URGCP: variants seen among roughly 807,000 people sequenced by gnomAD.
URGCP encodes the protein upregulator of cell proliferation.
In URGCP, 13 loss-of-function variants were observed where a neutral mutation model predicts 24.6. The ratio of observed to expected loss-of-function variants is 0.53; its 90% CI spans 0.34 to 0.84. URGCP has a LOEUF of 0.84. URGCP is among the 40% of genes least tolerant of loss of function. The pLI is 0.01. For missense variants in URGCP, 899 were observed against 1,194.3 expected (o/e 0.75, Z 3.64); for synonymous variants, 444 against 487.2 (o/e 0.91, Z 1.17).
At chr7:43,896,828 T>C (rs2095879261) in intron 1 of URGCP, among the ~76,000 whole-genome samples, 2 of 152,084 alleles carry the variant, frequency 1.3e-5, no homozygotes, top group Admixed American at 6.5e-5. Context: ...CTTACATACA[T>C]CTTAAGCAAA....
At chr7:43,882,748 A>G (rs2095855892) in intron 3 of URGCP, among the ~76,000 whole-genome samples, 1 of 152,268 alleles carries the variant, frequency 6.6e-6, no homozygotes, top group Admixed American at 6.5e-5. Flanking sequence ...AGGTAGTAAT[A>G]GCTACACACA....
intron 1 of URGCP, among the ~76,000 whole-genome samples, chr7:43,923,834 T>C (rs796378977): frequency 6.6e-6 from 1 of 152,192 alleles, no homozygotes; most frequent in East Asian, 1.9e-4. Context: ...TAAACTTTCA[T>C]GTAGTCAAAT....
chr7:43,904,239 G>C (rs191814244), intron 1 of URGCP, among the ~76,000 whole-genome samples: 1 of 152,270 alleles, frequency 6.6e-6, no homozygotes, highest in Admixed American at 6.5e-5. Flanking sequence ...TGGGCCATGG[G>C]GCATTTCTCA....
At chr7:43,894,375 C>G (rs1316886662) in intron 1 of URGCP, among the ~76,000 whole-genome samples, 1 of 152,108 alleles carries the variant, frequency 6.6e-6, no homozygotes, top group Non-Finnish European at 1.5e-5. Context: ...TTTTGAGACA[C>G]TCTCGTTCTG....
At position 43,877,649 on chromosome 7, in the gene URGCP, G is replaced by T; in HGVS notation, c.1814C>A (p.Pro605Gln). 1 of 1,614,098 alleles carries T rather than the reference G, an allele frequency of 6.2e-7. No individual in the cohort carries two copies. ...KHGGTTDVGE[P>Q]LWPEPLGVEH... Reference sequence around the variant, plus strand: ...CACCCCTAGGGGCTCAGGCCAGAGCGGCTCCCCCACGTCTGTGGTGCCCCC... The same window carrying T: ...CACCCCTAGGGGCTCAGGCCAGAGCTGCTCCCCCACGTCTGTGGTGCCCCC... Residue 605 changes from proline (P) to glutamine (Q), a missense_variant, in exon 6 of 6, where the codon CCG becomes CAG. Pro to Gln is a moderately conservative substitution (Grantham distance 76). Coordinates refer to ENST00000453200, the MANE Select transcript of URGCP (RefSeq NM_001077663.3).
chr7:43,907,533 A>T (rs2095905448), upstream of URGCP, among the ~76,000 whole-genome samples: 1 of 151,330 alleles, frequency 6.6e-6, no homozygotes, highest in African/African-American at 2.4e-5. Context: ...ATTAACAACC[A>T]CTATTTAAAA....
At chr7:43,907,866 C>T (rs550397639), upstream of URGCP, among the ~76,000 whole-genome samples, 22 of 152,116 alleles carry the variant, frequency 1.4e-4, no homozygotes, top group Non-Finnish European at 2.8e-4. Context: ...TTGTCCTCTT[C>T]GGTAAAGAAA....
At chr7:43,896,436 C>G (rs1241972352) in intron 1 of URGCP, among the ~76,000 whole-genome samples, 1 of 128,816 alleles carries the variant, frequency 7.8e-6, no homozygotes, top group Admixed American at 9.1e-5. Context: ...GCCTGGGCGA[C>G]AGAGAGAGAC....
chr7:43,878,907 G>A lies in URGCP; in HGVS notation c.556C>T (p.Leu186Phe). ...GAGGAGAGCAGCAGGGCACAGAGAAGGTCTAAGGGGTTCACTGGCGTATCA... is the reference window on the plus strand; with the variant it reads ...GAGGAGAGCAGCAGGGCACAGAGAAAGTCTAAGGGGTTCACTGGCGTATCA... Reference protein sequence around the residue: ...TPDTPVNPLDLLCALLLSSDS... With the variant: ...TPDTPVNPLDFLCALLLSSDS... The change falls in exon 6 of 6, where the codon CTT becomes TTT. Residue 186 changes from leucine to phenylalanine, a missense_variant. Transcript: ENST00000453200. This position sits in a 1 kb window ranked among gnomAD's most constrained non-coding sequence, Gnocchi z 5.6. 1 of 1,614,220 alleles carries A rather than the reference G, an allele frequency of 6.2e-7. No homozygotes were observed. The highest frequency in any genetic ancestry group is 8.5e-7 in the Non-Finnish European group (1 of 1,180,028).
At position 43,879,228 on chromosome 7, in the gene URGCP, G is replaced by C; in HGVS notation, c.235C>G (p.Leu79Val). The stretch of plus-strand genomic sequence containing the variant: ...ACCTGGTACGTCTCTAGGCCCAAAA[G>C]TGACAGCATTTCTTGAAGCCTGCTT... ...ERSRLQEMLS[L>V]LGLETYQVQK... is the part of the protein sequence containing the mutation. The change falls in exon 6 of 6, where the codon CTT becomes GTT. Residue 79 changes from leucine to valine, a missense_variant. By Grantham distance (32) the Leu-to-Val change is conservative. Transcript: ENST00000453200. 1 of 1,611,922 alleles carries C rather than the reference G, an allele frequency of 6.2e-7. No individual in the cohort carries two copies. The highest frequency in any genetic ancestry group is 8.5e-7 in the Non-Finnish European group (1 of 1,179,546).
Position 43,877,552 on chromosome 7 carries a change from C to T in URGCP, c.1911G>A (p.Pro637=), listed in dbSNP as rs778937379. 1.5e-5 allele frequency: 25 copies of T among 1,613,806 alleles called. No individual in the cohort carries two copies. The highest frequency in any genetic ancestry group is 4.5e-5 in the East Asian group (2 of 44,890). Residue 637 remains proline, a synonymous_variant, in exon 6 of 6, where the codon CCG becomes CCA. Transcript: ENST00000453200. The part of the protein sequence containing the change: ...ESCLVEAGRL[P]AGQRRFAHFP... ...AGTGGGCAAAACGCCTCTGGCCTGCCGGCAGCCTCCCTGCCTCCACAAGAC... is the reference window on the plus strand; with the variant it reads ...AGTGGGCAAAACGCCTCTGGCCTGCTGGCAGCCTCCCTGCCTCCACAAGAC...
intron 4 of URGCP, 68 bp downstream of exon 4, chr7:43,881,839 G>C (rs1214880103): frequency 1.2e-6 from 2 of 1,605,054 alleles, no homozygotes; most frequent in Non-Finnish European, 1.7e-6. Flanking sequence ...TAAAATCCCG[G>C]TTATCTGTCA....
chr7:43,890,633 C>T (rs746578950), intron 1 of URGCP, among the ~76,000 whole-genome samples: 4 of 152,236 alleles, frequency 2.6e-5, no homozygotes, highest in African/African-American at 7.2e-5. Flanking sequence ...GCCTAGGGGC[C>T]ACCTGCAGCA....
rs373914191 is a variant in URGCP at position 43,920,549 on chromosome 7, C to T, written c.-116+5583G>A. Reference sequence around the variant, plus strand: ...TTGCACAACGGCCTGGGCAACAGAGCGAGACTCTGTCTCAAAAACAACAAA... The same window carrying T: ...TTGCACAACGGCCTGGGCAACAGAGTGAGACTCTGTCTCAAAAACAACAAA... On this transcript the variant is annotated intron_variant, in intron 1 of 5. Coordinates refer to the URGCP transcript ENST00000426198. Among the ~76,000 whole-genome samples the T allele has an allele frequency of 8.7e-4, 132 of 152,234 alleles. 1 individual carries two copies. In the South Asian group the frequency reaches 0.024, roughly 28 times the overall value.
At chr7:43,925,202 T>G (rs2095927659) in intron 1 of URGCP, among the ~76,000 whole-genome samples, 1 of 152,092 alleles carries the variant, frequency 6.6e-6, no homozygotes, top group African/African-American at 2.4e-5. Flanking sequence ...GAGGACAGAT[T>G]GGGGGAATGG....
intron 1 of URGCP, among the ~76,000 whole-genome samples, chr7:43,920,405 C>CA (rs1003090092): frequency 5.9e-5 from 9 of 151,776 alleles, no homozygotes; most frequent in Middle Eastern, 3.4e-3. Flanking sequence ...TCTAAAAATA[C>CA]AAAAAAAATT....
intron 1 of URGCP, chr7:43,918,550 G>C: frequency 2.9e-6 from 1 of 343,726 alleles, no homozygotes; most frequent in Middle Eastern, 9.0e-4. Context: ...CAAAGTGCTA[G>C]GATTACAGAC....
rs1304368316 is a variant in URGCP at position 43,876,659 on chromosome 7, C to T, written c.*8G>A. Reference sequence around the variant, plus strand: ...CCTCCTACACCTGAACTGGGTTTCTCTGCACACTCACAGCCGTCTCACCAG... The same window carrying T: ...CCTCCTACACCTGAACTGGGTTTCTTTGCACACTCACAGCCGTCTCACCAG... On this transcript the variant is annotated 3_prime_UTR_variant, in exon 6 of 6. Transcript: ENST00000453200. The T allele has an allele frequency of 6.2e-7, 1 of 1,611,540 alleles. No individual in the cohort carries two copies. Among genetic ancestry groups the T allele is most frequent in the Non-Finnish European group, 8.5e-7 (1 of 1,178,590 alleles).
chr7:43,879,394 G>C lies in URGCP; in HGVS notation c.203-134C>G. On this transcript the variant is annotated intron_variant, in intron 5 of 5. Transcript: ENST00000453200. Reference sequence around the variant, plus strand: ...TTCAGAGAGCAGAGTGCAGGCACAGGAGGCTCAGGGTGTGCTCAAGGCTGA... The same window carrying C: ...TTCAGAGAGCAGAGTGCAGGCACAGCAGGCTCAGGGTGTGCTCAAGGCTGA... 2.8e-6 allele frequency: 3 copies of C among 1,067,802 alleles called. No individual in the cohort carries two copies. In the South Asian group the frequency reaches 4.9e-5, roughly 18 times the overall value. 66.1% of individuals were successfully genotyped at this position (1,067,802 alleles called of 1,614,324 possible).
Sources: gnomAD v4.1 joint callset for allele counts (sites outside exome capture counted in the v4.1 genomes callset) on GRCh38, gnomAD v4.1.1 for gene constraint, Gnocchi (gnomAD v3.1) non-coding constraint, MANE v1.5 for transcripts, NCBI Gene and HGNC (gene_info 2026-07-23, HGNC 2026-07-21) for gene names.